Variants in GREB1L observed in about 807,000 individuals in gnomAD.
GREB1L encodes GREB1-like protein.
In GREB1L, 17 loss-of-function variants were observed where a neutral mutation model predicts 200.8. The observed-to-expected ratio is 0.08, with a 90% CI of 0.06 to 0.13. GREB1L has a LOEUF of 0.13. GREB1L is among the 10% of genes least tolerant of loss of function. GREB1L has a pLI of 1.00. For missense variants in GREB1L, 1,657 were observed against 2,367.7 expected (o/e 0.70, Z 6.23); for synonymous variants, 789 against 893.0 (o/e 0.88, Z 2.08).
chr18:21,373,929 T>C (rs2039974240), intron 2 of GREB1L, among the ~76,000 whole-genome samples: 1 of 152,210 alleles, frequency 6.6e-6, no homozygotes, highest in Non-Finnish European at 1.5e-5. Flanking sequence ...TTCTCTTTTA[T>C]GTTTGGTTTC....
chr18:21,439,144 G>A (rs1042330505), intron 7 of GREB1L, among the ~76,000 whole-genome samples: 8 of 151,910 alleles, frequency 5.3e-5, no homozygotes, highest in Non-Finnish European at 1.0e-4. Context: ...TGTTGAAATT[G>A]GATGGTGGGT....
intron 1 of GREB1L, among the ~76,000 whole-genome samples, chr18:21,296,896 C>T (rs2038537013): frequency 6.6e-6 from 1 of 152,144 alleles, no homozygotes; most frequent in African/African-American, 2.4e-5. Context: ...CTCAAGTGAG[C>T]CACCCTCCTC....
At chr18:21,463,791 A>G (rs2035155945) in intron 15 of GREB1L, among the ~76,000 whole-genome samples, 2 of 152,182 alleles carry the variant, frequency 1.3e-5, no homozygotes, top group African/African-American at 4.8e-5. Flanking sequence ...GCTGGTCTCA[A>G]ACTCGTATCT....
chr18:21,436,719 T>TC lies in GREB1L; in HGVS notation c.833-2802_833-2801insC, dbSNP rs1568009697. ...GTGTGTGTGTGTGTGTGTGTGTGTT[T>TC]TCTTTTTCTGAAACAGGGTATCTCT... On this transcript the variant is annotated intron_variant, in intron 7 of 32. Transcript: ENST00000424526. Among the ~76,000 whole-genome samples the TC allele has an allele frequency of 2.7e-3, 405 of 148,628 alleles. 1 individual carries two copies. Among genetic ancestry groups the TC allele is most frequent in the African/African-American group, 9.5e-3 (387 of 40,622 alleles).
At chr18:21,502,774 G>A (rs992401161) in intron 23 of GREB1L, among the ~76,000 whole-genome samples, 16 of 152,266 alleles carry the variant, frequency 1.1e-4, no homozygotes, top group African/African-American at 3.4e-4. Flanking sequence ...ACCGGGAGTC[G>A]AGGCCTGCCC....
Position 21,403,861 on chromosome 18 carries a change from C to T in GREB1L, c.710-11C>T, listed in dbSNP as rs1413898367. 2 of 1,549,842 alleles carry T rather than the reference C, an allele frequency of 1.3e-6. No individual in the cohort carries two copies. Among genetic ancestry groups the T allele is most frequent in the Admixed American group, 2.0e-5 (1 of 50,930 alleles). On this transcript the variant is annotated splice_polypyrimidine_tract_variant and intron_variant, in intron 6 of 32. Transcript: ENST00000424526. ...GTCACTTCATACAATGTGATTTTTA[C>T]TCTTTTCCAGAATGTAGAAGCCGAC...
chr18:21,515,545 C>A lies in GREB1L; in HGVS notation c.5030C>A (p.Thr1677Asn), dbSNP rs1382821850. Residue 1677 changes from threonine (T) to asparagine (N), a missense_variant, in exon 29 of 33, where the codon ACT becomes AAT. Transcript: ENST00000424526. ...LGIQKWSSKL[T>N]SQSLKAPFSR... is the part of the protein sequence containing the mutation. ...ATACAGAAATGGAGCAGCAAGCTGA[C>A]TTCTCAGAGCCTAAAGGCCCCATTC... The A allele has an allele frequency of 3.2e-6, 5 of 1,551,544 alleles. No individual in the cohort carries two copies. The highest frequency in any genetic ancestry group is 3.9e-5 in the Admixed American group (2 of 50,980).
Position 21,499,726 on chromosome 18 carries a change from C to T in GREB1L, c.3392-3C>T, listed in dbSNP as rs1352782098. On this transcript the variant is annotated splice_region_variant and splice_polypyrimidine_tract_variant and intron_variant, in intron 21 of 32. Transcript: ENST00000424526. ...GGGGTGGGTTCTGTCTGTTCTCTCA[C>T]AGGTTCCATCATGGAGAATGGAGTG... is the stretch of plus-strand genomic sequence containing the variant. 6.5e-7 allele frequency: 1 copy of T among 1,547,542 alleles called. No individual in the cohort carries two copies. Among genetic ancestry groups the T allele is most frequent in the South Asian group, 1.2e-5 (1 of 83,878 alleles).
chr18:21,311,371 T>C (rs140909148), intron 1 of GREB1L, among the ~76,000 whole-genome samples: 19 of 152,314 alleles, frequency 1.2e-4, no homozygotes, highest in African/African-American at 4.6e-4. Context: ...AATAGGGGTA[T>C]AGAGGTTTAT....
chr18:21,500,521 T>C lies in GREB1L; in HGVS notation c.3970-19T>C. ...CTTTCCCGCCTCCACTCCTCCCCAA[T>C]TAAAAATCTTTCCATTAGGTGGGAA... On this transcript the variant is annotated intron_variant, in intron 22 of 32. Coordinates refer to ENST00000424526, the MANE Select transcript of GREB1L (RefSeq NM_001142966.3). 2 of 1,504,050 alleles carry C rather than the reference T, an allele frequency of 1.3e-6. No individual in the cohort carries two copies. Among genetic ancestry groups the C allele is most frequent in the Non-Finnish European group, 1.8e-6 (2 of 1,104,662 alleles). 93.2% of individuals were successfully genotyped at this position (1,504,050 alleles called of 1,614,324 possible).
chr18:21,347,762 C>CTTT (rs761498957), intron 1 of GREB1L, among the ~76,000 whole-genome samples: 5 of 114,248 alleles, frequency 4.4e-5, no homozygotes, highest in African/African-American at 7.6e-5. Context: ...GCCCCCCGAC[C>CTTT]TTTTTTTTTT....
At chr18:21,419,899 T>A (rs1307673133) in intron 7 of GREB1L, among the ~76,000 whole-genome samples, 2 of 152,216 alleles carry the variant, frequency 1.3e-5, no homozygotes, top group East Asian at 3.8e-4. Context: ...AGATAGGTCA[T>A]AGATGTAAAT....
chr18:21,516,815 G>T, intron 30 of GREB1L, 61 bp downstream of exon 30: 5 of 1,375,626 alleles, frequency 3.6e-6, no homozygotes, highest in South Asian at 1.4e-5. Flanking sequence ...GACTATCTTT[G>T]TTATTAGATG....
At chr18:21,313,334 A>G (rs1329638708) in intron 1 of GREB1L, among the ~76,000 whole-genome samples, 1 of 152,184 alleles carries the variant, frequency 6.6e-6, no homozygotes, top group Non-Finnish European at 1.5e-5. Context: ...AACATGTATT[A>G]TACAATATGA....
intron 21 of GREB1L, among the ~76,000 whole-genome samples, chr18:21,498,165 C>CT (rs1427215867): frequency 1.3e-5 from 2 of 152,114 alleles, no homozygotes; most frequent in Non-Finnish European, 2.9e-5. Flanking sequence ...TTCCATCACT[C>CT]TGACACATAC....
intron 11 of GREB1L, among the ~76,000 whole-genome samples, chr18:21,445,681 T>A (rs1465201028): frequency 6.6e-6 from 1 of 152,174 alleles, no homozygotes; most frequent in Non-Finnish European, 1.5e-5. Context: ...TAGCTAGCAA[T>A]CTTGACTAGA....
chr18:21,481,975 G>T (rs1308102570), intron 17 of GREB1L, among the ~76,000 whole-genome samples: 1 of 152,176 alleles, frequency 6.6e-6, no homozygotes. Context: ...TGAAATTGCT[G>T]TGTCATCAGG....
chr18:21,311,738 C>CA (rs1315896355), intron 1 of GREB1L, among the ~76,000 whole-genome samples: 1 of 151,614 alleles, frequency 6.6e-6, no homozygotes, highest in Admixed American at 6.6e-5. Context: ...AAAGTAATGG[C>CA]AAAAATCTCA....
chr18:21,267,387 G>A (rs1477393932), intron 1 of GREB1L, among the ~76,000 whole-genome samples: 1 of 151,876 alleles, frequency 6.6e-6, no homozygotes. Context: ...TCACCATATT[G>A]GCCAGGGTGG....
Sources: allele counts gnomAD v4.1 joint callset (sites outside exome capture counted in the v4.1 genomes callset), GRCh38; gene constraint gnomAD v4.1.1; transcripts MANE v1.5; gene names NCBI Gene and HGNC (gene_info 2026-07-23, HGNC 2026-07-21).